Variants in GMDS observed in about 807,000 individuals in gnomAD.
The protein encoded by GMDS is GDP-mannose 4,6 dehydratase.
In GMDS, 20 loss-of-function variants were observed where a neutral mutation model predicts 49.9. The observed-to-expected ratio is 0.40, with a 90% CI of 0.28 to 0.58. The LOEUF (loss-of-function observed/expected upper bound fraction) is 0.58. GMDS is among the 20% of genes least tolerant of loss of function. GMDS has a pLI of 0.42. For missense variants in GMDS, 362 were observed against 481.4 expected, an observed-to-expected ratio of 0.75 and a Z score of 2.32; for synonymous variants, 177 against 178.6, an observed-to-expected ratio of 0.99 and a Z score of 0.07.
chr6:2,073,922 G>C (rs612278), intron 4 of GMDS, among the ~76,000 whole-genome samples: 92,623 of 151,964 alleles, frequency 0.61, 28,445 homozygotes, highest in East Asian at 0.71. Context: ...CCGATGAACA[G>C]TTAGGTTGAT....
intron 9 of GMDS, among the ~76,000 whole-genome samples, chr6:1,686,607 T>TC (rs1367675405): frequency 2.2e-4 from 34 of 152,192 alleles, no homozygotes; most frequent in East Asian, 7.7e-4. Context: ...TCTAAATAGA[T>TC]CCCCCCCGGG....
chr6:1,637,120 T>C (rs1253367604), intron 9 of GMDS, among the ~76,000 whole-genome samples: 4 of 152,254 alleles, frequency 2.6e-5, no homozygotes, highest in African/African-American at 7.2e-5. Context: ...GTGTCCCAGC[T>C]GGGCTCCATC....
In GMDS at chr6:1,737,760, A is replaced by T. The variant is rs1281257677; in HGVS notation, c.890+4708T>A. Among the ~76,000 whole-genome samples, 4 of 139,628 alleles carry T rather than the reference A, an allele frequency of 2.9e-5. No homozygotes were observed. In the East Asian group the frequency reaches 8.6e-4, roughly 30 times the overall value. 91.6% of individuals were successfully genotyped at this position (139,628 alleles called of 152,430 possible). On this transcript the variant is annotated intron_variant, in intron 8 of 10. Transcript: ENST00000380815. ...CACACATACACATACACATACACAC[A>T]CACCACACACACAGATACACATACA... is the stretch of plus-strand genomic sequence containing the variant.
intron 7 of GMDS, among the ~76,000 whole-genome samples, chr6:1,880,272 ACCT>A (rs1187220162): frequency 2.0e-5 from 2 of 101,246 alleles, no homozygotes; most frequent in African/African-American, 8.4e-5. Context: ...ATGAAACGAG[ACCT>A]CATTTCCACA....
In GMDS at chr6:1,774,542, C is replaced by T. The variant is rs552364926; in HGVS notation, c.772-31956G>A. ...AAGTGGATTAGGGCCCATCAGCATCCCCAAATGATGATTGTGTGTAAATGT... is the reference window on the plus strand; with the variant it reads ...AAGTGGATTAGGGCCCATCAGCATCTCCAAATGATGATTGTGTGTAAATGT... On this transcript the variant is annotated intron_variant, in intron 7 of 10. Transcript: ENST00000380815. Among the ~76,000 whole-genome samples the T allele has an allele frequency of 3.3e-5, 5 of 152,288 alleles. No individual in the cohort carries two copies. The East Asian group carries it at 7.7e-4, about 24-fold the overall frequency.
At chr6:2,018,883 T>G (rs1364749046) in intron 4 of GMDS, among the ~76,000 whole-genome samples, 1 of 152,136 alleles carries the variant, frequency 6.6e-6, no homozygotes, top group African/African-American at 2.4e-5. Flanking sequence ...CATGGTAACT[T>G]GACATTTAAC....
intron 4 of GMDS, among the ~76,000 whole-genome samples, chr6:2,081,182 G>A (rs950857462): frequency 1.2e-4 from 19 of 152,046 alleles, no homozygotes; most frequent in African/African-American, 4.6e-4. Flanking sequence ...AAAAAGATAT[G>A]GTAAAATCAG....
intron 7 of GMDS, among the ~76,000 whole-genome samples, chr6:1,846,572 G>A (rs1314900038): frequency 3.9e-5 from 6 of 152,198 alleles, no homozygotes; most frequent in African/African-American, 1.4e-4. Flanking sequence ...ACAGGGAAAC[G>A]ATATGGAAGC....
intron 7 of GMDS, among the ~76,000 whole-genome samples, chr6:1,762,364 G>A (rs961868705): frequency 1.3e-5 from 2 of 152,210 alleles, no homozygotes; most frequent in Non-Finnish European, 2.9e-5. Flanking sequence ...TACTCACGAC[G>A]AAACTTCAGG....
chr6:2,182,424 T>C (rs904209386), intron 1 of GMDS, among the ~76,000 whole-genome samples: 3 of 152,218 alleles, frequency 2.0e-5, no homozygotes, highest in African/African-American at 7.2e-5. Context: ...CAGTCTTCTA[T>C]TGGAAGAAGA....
At chr6:1,763,050 T>C (rs1768219954) in intron 7 of GMDS, among the ~76,000 whole-genome samples, 1 of 152,222 alleles carries the variant, frequency 6.6e-6, no homozygotes, top group African/African-American at 2.4e-5. Context: ...GGTAAATACA[T>C]GTGGTAATTA....
chr6:2,146,543 C>A (rs1320412993), intron 1 of GMDS, among the ~76,000 whole-genome samples: 1 of 152,152 alleles, frequency 6.6e-6, no homozygotes, highest in Non-Finnish European at 1.5e-5. Flanking sequence ...TCTCTAATGA[C>A]TCTTGTAGCC....
In GMDS at chr6:1,836,837, A is replaced by G. The variant is rs1249602290; in HGVS notation, c.771+93266T>C. Among the ~76,000 whole-genome samples the G allele has an allele frequency of 6.6e-6, 1 of 152,248 alleles. No homozygotes were observed. Among genetic ancestry groups the G allele is most frequent in the Admixed American group, 6.5e-5 (1 of 15,278 alleles). On this transcript the variant is annotated intron_variant, in intron 7 of 10. Coordinates refer to ENST00000380815, the MANE Select transcript of GMDS (RefSeq NM_001500.4). The surrounding 1 kb of genome is among the most constrained non-coding windows in gnomAD (Gnocchi z 4.2). ...TCACAAAGTTACAATTTCTGTGCAGAGCAAGAGCTGTCAGGAAAAAGGTAA... is the reference window on the plus strand; with the variant it reads ...TCACAAAGTTACAATTTCTGTGCAGGGCAAGAGCTGTCAGGAAAAAGGTAA...
At chr6:2,178,014 C>T (rs978502805) in intron 1 of GMDS, among the ~76,000 whole-genome samples, 9 of 152,140 alleles carry the variant, frequency 5.9e-5, no homozygotes, top group Non-Finnish European at 1.2e-4. Context: ...AGGCCATTAT[C>T]CTAAGCAAAC....
At chr6:1,898,109 T>A (rs9391938) in intron 7 of GMDS, among the ~76,000 whole-genome samples, 931 of 20,978 alleles carry the variant, frequency 0.044, 10 homozygotes, top group Middle Eastern at 0.19. Context: ...TATCCTGGCC[T>A]CCCTTGCCAT....
At chr6:2,106,935 A>C (rs1337421918) in intron 4 of GMDS, among the ~76,000 whole-genome samples, 1 of 152,040 alleles carries the variant, frequency 6.6e-6, no homozygotes, top group Non-Finnish European at 1.5e-5. Flanking sequence ...CACCATTTTT[A>C]TAAATAGCAT....
chr6:1,682,567 T>TAGAAAGGGAAATCTGGA (rs1196936148), intron 9 of GMDS, among the ~76,000 whole-genome samples: 1 of 19,314 alleles, frequency 5.2e-5, no homozygotes, highest in African/African-American at 1.9e-4. Context: ...TTCATTTTTT[T>TAGAAAGGGAAATCTGGA]TTTTTTTTTT....
At chr6:1,746,683 CTTTAGT>C (rs994024928) in intron 7 of GMDS, among the ~76,000 whole-genome samples, 1 of 133,058 alleles carries the variant, frequency 7.5e-6, no homozygotes, top group Non-Finnish European at 1.6e-5. Flanking sequence ...AAAAATAAAA[CTTTAGT>C]TTTATTTATT....
At chr6:1,805,816 T>C (rs1770152323) in intron 7 of GMDS, among the ~76,000 whole-genome samples, 1 of 152,218 alleles carries the variant, frequency 6.6e-6, no homozygotes, top group African/African-American at 2.4e-5. Flanking sequence ...GCAAAAGTGC[T>C]TTTGGACCCT....
Sources: gnomAD v4.1 joint callset for allele counts (sites outside exome capture counted in the v4.1 genomes callset) on GRCh38, gnomAD v4.1.1 for gene constraint, Gnocchi (gnomAD v3.1) non-coding constraint, MANE v1.5 for transcripts, NCBI Gene and HGNC (gene_info 2026-07-23, HGNC 2026-07-21) for gene names.